ZER1: variants seen among roughly 807,000 people sequenced by gnomAD.
The protein encoded by ZER1 is protein zer-1 homolog.
ZER1 carries 11 observed loss-of-function variants against 78.8 expected under a neutral mutation model. That is an observed-to-expected ratio of 0.14 (90% confidence interval 0.09 to 0.23). The LOEUF is 0.23. Among genes scored for constraint, ZER1 ranks in the 10% least tolerant of loss-of-function variants. The probability of loss-of-function intolerance (pLI) is 1.00; values close to 1 mark genes in which losing one functional copy is unlikely to be tolerated. For missense variants in ZER1, 588 were observed against 996.9 expected (o/e 0.59, Z 5.52); for synonymous variants, 400 against 407.0 (o/e 0.98, Z 0.21).
chr9:128,747,751 T>C (rs1863542287), intron 8 of ZER1, among the ~76,000 whole-genome samples: 2 of 152,086 alleles, frequency 1.3e-5, no homozygotes, highest in Non-Finnish European at 1.5e-5. Context: ...GTGGAGTAGC[T>C]GGGACTACAG....
At chr9:128,761,113 G>C (rs1384797523) in intron 1 of ZER1, among the ~76,000 whole-genome samples, 2 of 146,400 alleles carry the variant, frequency 1.4e-5, no homozygotes, top group African/African-American at 5.0e-5. Context: ...AGCCGAGATC[G>C]CGCCACTGCA....
In ZER1 at chr9:128,741,823, G is replaced by A. The variant is rs1414400731; in HGVS notation, c.1594C>T (p.Gln532Ter). 1 of 1,614,234 alleles carries A rather than the reference G, an allele frequency of 6.2e-7. No individual in the cohort carries two copies. Among genetic ancestry groups the A allele is most frequent in the Non-Finnish European group, 8.5e-7 (1 of 1,180,048 alleles). ...GFVVTMLKLI[Q>*]KKLLDKTCDQ... is the part of the protein sequence containing the mutation. ...ACTGTCTTGTCCAGCAGCTTCTTCTGAATCAGCTTCAGCATGGTCTGCAGG... is the reference window on the plus strand; with the variant it reads ...ACTGTCTTGTCCAGCAGCTTCTTCTAAATCAGCTTCAGCATGGTCTGCAGG... The change falls in exon 10 of 16, where the codon CAG becomes TAG. Residue 532 changes from glutamine to a stop codon, truncating the protein, a stop_gained. Transcript: ENST00000291900. LOFTEE classifies it high-confidence loss of function.
At chr9:128,759,408 C>T (rs930918092) in intron 1 of ZER1, among the ~76,000 whole-genome samples, 5 of 151,264 alleles carry the variant, frequency 3.3e-5, no homozygotes, top group Admixed American at 6.6e-5. Context: ...AACTCCTTAC[C>T]TCAGGTGATC....
intron 1 of ZER1, among the ~76,000 whole-genome samples, chr9:128,756,372 T>C (rs906272079): frequency 1.3e-5 from 2 of 152,066 alleles, no homozygotes; most frequent in African/African-American, 4.8e-5. Flanking sequence ...CGGAGTGCGG[T>C]GAGCCGACAC....
Position 128,753,693 on chromosome 9 carries a change from G to A in ZER1, c.310-93C>T, listed in dbSNP as rs547151101. On this transcript the variant is annotated intron_variant, in intron 3 of 15. Transcript: ENST00000291900. The surrounding 1 kb of genome is among the most constrained non-coding windows in gnomAD (Gnocchi z 7.5). ...TGGGCTACAGGTGGGTTGGAAAGGG[G>A]GATGTGCACAGTCACGGTGCACACT... The A allele has an allele frequency of 6.4e-7, 1 of 1,564,338 alleles. No homozygotes were observed. The highest frequency in any genetic ancestry group is 1.3e-5 in the African/African-American group (1 of 74,162).
chr9:128,767,813 T>A (rs931724842), intron 1 of ZER1, among the ~76,000 whole-genome samples: 33 of 152,150 alleles, frequency 2.2e-4, no homozygotes, highest in African/African-American at 7.0e-4. Flanking sequence ...TGGCATGTCA[T>A]TTTTTGGCCA....
Position 128,748,297 on chromosome 9 carries a change from C to T in ZER1, c.1359+2319G>A, listed in dbSNP as rs556797207. Among the ~76,000 whole-genome samples, 3 of 150,332 alleles carry T rather than the reference C, an allele frequency of 2.0e-5. No homozygotes were observed. The East Asian group carries it at 6.1e-4, about 30-fold the overall frequency. Reference sequence around the variant, plus strand: ...GCGGGCGCCTGTAGTCCCAGCTACTCGGGAGGCTGAGGCAGAATAGCGTGA... The same window carrying T: ...GCGGGCGCCTGTAGTCCCAGCTACTTGGGAGGCTGAGGCAGAATAGCGTGA... On this transcript the variant is annotated intron_variant, in intron 8 of 15. Coordinates refer to ENST00000291900, the MANE Select transcript of ZER1 (RefSeq NM_006336.4).
At chr9:128,736,672 C>CT (rs777824240) in intron 13 of ZER1, among the ~76,000 whole-genome samples, 9,347 of 129,142 alleles carry the variant, frequency 0.072, 1,172 homozygotes, top group African/African-American at 0.25. Context: ...CATGCCTGGC[C>CT]TTTTTTTTTT....
At chr9:128,772,310 T>A (rs530341088), upstream of ZER1, 11 of 152,464 alleles carry the variant, frequency 7.2e-5, no homozygotes, top group East Asian at 1.9e-3. Flanking sequence ...CACTCGCGTG[T>A]CAACCCGCAG....
Position 128,751,383 on chromosome 9 carries a change from G to A in ZER1, c.1038+30C>T. ...TCCTTCTCTCTCCCAAGGCTCCCTG[G>A]CCCAGACCCATCCCACTTCCACTGC... On this transcript the variant is annotated intron_variant, in intron 6 of 15. Coordinates refer to ENST00000291900, the MANE Select transcript of ZER1 (RefSeq NM_006336.4). The surrounding 1 kb of genome is among the most constrained non-coding windows in gnomAD (Gnocchi z 5.4). The A allele has an allele frequency of 6.2e-7, 1 of 1,613,592 alleles. No homozygotes were observed. The highest frequency in any genetic ancestry group is 2.2e-5 in the East Asian group (1 of 44,878).
chr9:128,742,510 G>A lies in ZER1; in HGVS notation c.1575+20C>T. ...AGCAGTGAGGCTCAGGAGGAAGGGG[G>A]CAGCGCCCCCCACACGTACCACGAC... is the stretch of plus-strand genomic sequence containing the variant. On this transcript the variant is annotated intron_variant, in intron 9 of 15. Transcript: ENST00000291900. 6.2e-7 allele frequency: 1 copy of A among 1,612,898 alleles called. No individual in the cohort carries two copies. Among genetic ancestry groups the A allele is most frequent in the South Asian group, 1.1e-5 (1 of 91,014 alleles).
At position 128,755,633 on chromosome 9, in the gene ZER1, T is replaced by G; in HGVS notation, c.-68A>C. The G allele has an allele frequency of 5.7e-6, 9 of 1,568,472 alleles. No individual in the cohort carries two copies. The highest frequency in any genetic ancestry group is 7.8e-6 in the Non-Finnish European group (9 of 1,147,748). On this transcript the variant is annotated 5_prime_UTR_variant, in exon 2 of 16. It removes the in-frame stop codon of an upstream open reading frame in the 5' UTR. Transcript: ENST00000291900. The surrounding 1 kb of genome is among the most constrained non-coding windows in gnomAD (Gnocchi z 5.6). ...AGGGGCAACAGTGATTCCTGAATAC[T>G]CACAGGATCATTGGCAGAGCCACTG...
intron 14 of ZER1, among the ~76,000 whole-genome samples, chr9:128,734,144 A>AAAAAATATATAT: frequency 5.5e-4 from 8 of 14,454 alleles, no homozygotes; most frequent in African/African-American, 1.5e-3. Flanking sequence ...AAAAAAAAAA[A>AAAAAATATATAT]ATATATATAT....
At chr9:128,756,175 C>T (rs1228817338) in intron 1 of ZER1, among the ~76,000 whole-genome samples, 3 of 152,212 alleles carry the variant, frequency 2.0e-5, no homozygotes, top group African/African-American at 4.8e-5. Context: ...TGGCCGAGCA[C>T]GGTGGCTCAT....
chr9:128,740,579 C>CA lies in ZER1; in HGVS notation c.1853+192dup, dbSNP rs111851383. ...TGGGTGACAGAGCAAGACTCCATCT[C>CA]AAAAAAAAAAAAAAAGATATAATTA... is the stretch of plus-strand genomic sequence containing the variant. On this transcript the variant is annotated intron_variant, in intron 12 of 15. Transcript: ENST00000291900. The surrounding 1 kb of genome is among the most constrained non-coding windows in gnomAD (Gnocchi z 4.4). 4.6e-3 allele frequency among the ~76,000 whole-genome samples: 479 copies of CA among 103,804 alleles called. No homozygotes were observed. The highest frequency in any genetic ancestry group is 0.012 in the Middle Eastern group (2 of 170). The allele number at this position is 103,804 out of a possible 152,430, so 68.1% of individuals were successfully genotyped here. A position where few individuals can be genotyped will look rare whatever the true frequency, so the allele number is the denominator to read the frequency against.
At chr9:128,762,161 C>G (rs536134754) in intron 1 of ZER1, among the ~76,000 whole-genome samples, 2 of 150,650 alleles carry the variant, frequency 1.3e-5, no homozygotes, top group African/African-American at 4.9e-5. Context: ...GTGTATTTTA[C>G]GTGTCGCCCA....
At chr9:128,736,194 C>A (rs1564391592) in intron 13 of ZER1, among the ~76,000 whole-genome samples, 1 of 152,106 alleles carries the variant, frequency 6.6e-6, no homozygotes, top group Non-Finnish European at 1.5e-5. Flanking sequence ...TCGTGATCCA[C>A]CCACCTCAGC....
At position 128,753,253 on chromosome 9, in the gene ZER1, C is replaced by A. The variant is rs1351069788; in HGVS notation, c.657G>T (p.Gln219His). The A allele has an allele frequency of 6.3e-7, 1 of 1,599,418 alleles. No homozygotes were observed. Among genetic ancestry groups the A allele is most frequent in the Non-Finnish European group, 8.5e-7 (1 of 1,173,052 alleles). ...IQTSDAAFLT[Q>H]WKDSLVSLVL... ...CGAGGGACACCAGGCTGTCTTTCCA[C>A]TGGGTGAGGAAGGCGGCGTCGCTCG... Residue 219 changes from glutamine (Q) to histidine (H), a missense_variant, in exon 4 of 16, where the codon CAG (glutamine) becomes CAT (histidine). Transcript: ENST00000291900. The surrounding 1 kb of genome is among the most constrained non-coding windows in gnomAD (Gnocchi z 7.5).
At chr9:128,741,205 G>A (rs1354819387) in intron 11 of ZER1, among the ~76,000 whole-genome samples, 1 of 152,230 alleles carries the variant, frequency 6.6e-6, no homozygotes, top group African/African-American at 2.4e-5. Context: ...GGAAAACAGA[G>A]CATGTGTTTA....
Sources: gnomAD v4.1 joint callset for allele counts (sites outside exome capture counted in the v4.1 genomes callset) on GRCh38, gnomAD v4.1.1 for gene constraint, Gnocchi (gnomAD v3.1) non-coding constraint, MANE v1.5 for transcripts, NCBI Gene and HGNC (gene_info 2026-07-23, HGNC 2026-07-21) for gene names.